The following ARB2A variants were observed in gnomAD, a reference collection of about 807,000 sequenced individuals.
ARB2A encodes cotranscriptional regulator ARB2A.
At chr5:93,919,944 C>T in the ARB2A span, among the ~76,000 whole-genome samples, 1 of 152,086 alleles carries the variant, frequency 6.6e-6, no homozygotes, top group Non-Finnish European at 1.5e-5. Context: ...TTTTCACACA[C>T]CTAAATCTCC....
At chr5:93,823,761 C>G in the ARB2A span, among the ~76,000 whole-genome samples, 1 of 151,914 alleles carries the variant, frequency 6.6e-6, no homozygotes, top group South Asian at 2.1e-4. Context: ...TTGAGAACAT[C>G]CTGGCCAACA....
the ARB2A span, among the ~76,000 whole-genome samples, chr5:93,867,065 A>G: frequency 6.6e-6 from 1 of 152,326 alleles, no homozygotes; most frequent in Middle Eastern, 3.4e-3. Context: ...AATAATAGCT[A>G]AACAGATTTT....
the ARB2A span, among the ~76,000 whole-genome samples, chr5:93,936,414 C>G: frequency 6.6e-6 from 1 of 151,920 alleles, no homozygotes; most frequent in Non-Finnish European, 1.5e-5. Flanking sequence ...TTCTTATAAT[C>G]CAAAGTAAAG....
At chr5:93,746,260 CA>C in the ARB2A span, among the ~76,000 whole-genome samples, 1 of 152,066 alleles carries the variant, frequency 6.6e-6, no homozygotes, top group African/African-American at 2.4e-5. Context: ...AAGAGCTAAT[CA>C]AATCAAGGTA....
chr5:93,863,763 C>T, the ARB2A span: 2 of 152,026 alleles, frequency 1.3e-5, no homozygotes, highest in Non-Finnish European at 2.9e-5. Flanking sequence ...GCTATTCAAA[C>T]TATTGACATA....
At chr5:93,870,731 G>T in the ARB2A span, among the ~76,000 whole-genome samples, 3 of 152,224 alleles carry the variant, frequency 2.0e-5, no homozygotes, top group Non-Finnish European at 4.4e-5. Context: ...CCACATAAGG[G>T]GGGGTGGAAG....
At chr5:93,812,524 G>C in the ARB2A span, among the ~76,000 whole-genome samples, 1 of 152,136 alleles carries the variant, frequency 6.6e-6, no homozygotes, top group East Asian at 1.9e-4. Flanking sequence ...GGAGAAAGTT[G>C]AGTGTGTTTT....
the ARB2A span, among the ~76,000 whole-genome samples, chr5:93,946,170 T>C: frequency 6.6e-6 from 1 of 151,990 alleles, no homozygotes; most frequent in Admixed American, 6.6e-5. Context: ...GATCATTAGA[T>C]ACAGGAAACA....
the ARB2A span, among the ~76,000 whole-genome samples, chr5:93,694,273 G>A: frequency 1.3e-5 from 2 of 152,168 alleles, no homozygotes; most frequent in African/African-American, 4.8e-5. Flanking sequence ...TGTCATGATT[G>A]TACATTTAGA....
At chr5:93,779,124 TGC>T in the ARB2A span, among the ~76,000 whole-genome samples, 11,546 of 145,920 alleles carry the variant, frequency 0.079, 595 homozygotes, top group Middle Eastern at 0.16. Flanking sequence ...TGTGTGTGTG[TGC>T]GCGCGCGCGC....
At chr5:93,882,357 T>C in the ARB2A span, among the ~76,000 whole-genome samples, 3 of 151,332 alleles carry the variant, frequency 2.0e-5, no homozygotes, top group African/African-American at 7.3e-5. Flanking sequence ...TGGAAGCAAG[T>C]CTTTAATCTT....
At chr5:93,851,933 T>C in the ARB2A span, among the ~76,000 whole-genome samples, 20 of 152,334 alleles carry the variant, frequency 1.3e-4, no homozygotes, top group Admixed American at 5.2e-4. Flanking sequence ...TGTGTCTTTA[T>C]AGCAGCATGA....
At chr5:93,803,639 A>G in the ARB2A span, among the ~76,000 whole-genome samples, 1 of 151,490 alleles carries the variant, frequency 6.6e-6, no homozygotes, top group Non-Finnish European at 1.5e-5. Flanking sequence ...TGATGAAATC[A>G]TCTGTATAAC....
At chr5:93,889,451 ACTT>A in the ARB2A span, among the ~76,000 whole-genome samples, 108 of 151,958 alleles carry the variant, frequency 7.1e-4, no homozygotes, top group African/African-American at 2.5e-3. Flanking sequence ...ATCTTCTCAT[ACTT>A]CTTCTGCTAA....
At chr5:93,947,374 T>G in the ARB2A span, among the ~76,000 whole-genome samples, 1 of 152,128 alleles carries the variant, frequency 6.6e-6, no homozygotes, top group Non-Finnish European at 1.5e-5. Flanking sequence ...ATAAGTTGTT[T>G]ATTTACCCTA....
the ARB2A span, among the ~76,000 whole-genome samples, chr5:93,875,096 A>C: frequency 6.6e-6 from 1 of 152,174 alleles, no homozygotes; most frequent in Non-Finnish European, 1.5e-5. Context: ...AGCTGGGACT[A>C]TAGCCATATG....
At chr5:93,959,214 CTTCA>C in the ARB2A span, among the ~76,000 whole-genome samples, 2 of 151,740 alleles carry the variant, frequency 1.3e-5, no homozygotes, top group African/African-American at 2.4e-5. Context: ...ATATGTTTCT[CTTCA>C]TTATTATTGT....
the ARB2A span, among the ~76,000 whole-genome samples, chr5:93,845,786 T>G: frequency 1.3e-5 from 2 of 152,316 alleles, no homozygotes; most frequent in Admixed American, 6.5e-5. Flanking sequence ...TAAGATTAAG[T>G]GTTCCAGACA....
At chr5:93,858,249 G>C in the ARB2A span, among the ~76,000 whole-genome samples, 2 of 152,188 alleles carry the variant, frequency 1.3e-5, no homozygotes, top group Admixed American at 6.5e-5. Flanking sequence ...TTGTCACATA[G>C]CCACTTCCTA....
Sources: gnomAD v4.1 joint callset for allele counts (sites outside exome capture counted in the v4.1 genomes callset) on GRCh38, gnomAD v4.1.1 for gene constraint, MANE v1.5 for transcripts, NCBI Gene and HGNC (gene_info 2026-07-23, HGNC 2026-07-21) for gene names.